P2RY12: variants seen among roughly 807,000 people sequenced by gnomAD.
The protein encoded by P2RY12 is P2Y purinoceptor 12.
P2RY12 carries 3 observed loss-of-function variants against 4.5 expected under a neutral mutation model. That is an observed-to-expected ratio of 0.67 (90% CI 0.31 to 1.74). The LOEUF (loss-of-function observed/expected upper bound fraction) is 1.74, where lower values mean the gene tolerates loss of function less well. P2RY12 is among the 40% of genes most tolerant of loss of function. The pLI, the probability that P2RY12 is intolerant of heterozygous loss-of-function variation, is 0.09. For synonymous variants in P2RY12, 148 were observed against 154.1 expected (o/e 0.96, Z 0.29); for missense variants, 356 against 407.8 (o/e 0.87, Z 1.09).
chr3:151,348,180 T>G (rs889487797), intron 1 of P2RY12, among the ~76,000 whole-genome samples: 34 of 151,928 alleles, frequency 2.2e-4, no homozygotes, highest in African/African-American at 6.8e-4. Context: ...TATGCTACAG[T>G]CATCAGCCTT....
In P2RY12 at chr3:151,339,875, C is replaced by T. The variant is rs74284424; in HGVS notation, c.-15+721G>A. 8.2e-4 allele frequency among the ~76,000 whole-genome samples: 124 copies of T among 152,068 alleles called. 1 individual carries two copies. The East Asian group carries it at 0.022, about 27-fold the overall frequency. On this transcript the variant is annotated intron_variant, in intron 2 of 2. Coordinates refer to ENST00000302632, the MANE Select transcript of P2RY12 (RefSeq NM_022788.5). ...TGACGTTTGTAATCTTTTTATTTCACCAGAGATAAGTGAAATTGATTCTAT... is the reference window on the plus strand; with the variant it reads ...TGACGTTTGTAATCTTTTTATTTCATCAGAGATAAGTGAAATTGATTCTAT...
At chr3:151,363,142 G>A (rs143421764) in intron 1 of P2RY12, among the ~76,000 whole-genome samples, 43 of 152,178 alleles carry the variant, frequency 2.8e-4, no homozygotes, top group Non-Finnish European at 5.7e-4. Context: ...AGTGAATAGA[G>A]TAATTACTCA....
intron 1 of P2RY12, among the ~76,000 whole-genome samples, chr3:151,368,677 GTCATT>G (rs1755710787): frequency 1.0e-5 from 1 of 95,384 alleles, no homozygotes; most frequent in Non-Finnish European, 2.2e-5. Flanking sequence ...TTCATTTCAT[GTCATT>G]TCATTTTATT....
intron 1 of P2RY12, among the ~76,000 whole-genome samples, chr3:151,380,617 A>G (rs1577507165): frequency 6.8e-6 from 1 of 147,638 alleles, no homozygotes; most frequent in East Asian, 2.0e-4. Context: ...AAAAAAAAAC[A>G]ACTAGTAAGG....
chr3:151,357,388 G>A lies in P2RY12; in HGVS notation c.-179-16628C>T, dbSNP rs73006594. 1.1e-3 allele frequency: 1,775 copies of A among 1,556,860 alleles called. 14 individuals are homozygous for A. The African/African-American group carries it at 0.022, about 20-fold the overall frequency. On this transcript the variant is annotated intron_variant, in intron 1 of 2. Coordinates refer to ENST00000302632, the MANE Select transcript of P2RY12 (RefSeq NM_022788.5). The stretch of plus-strand genomic sequence containing the variant: ...CAGGTGTTTGAAGGGTTGGTATATA[G>A]CATGTCATTGTTGTTTTTCCAATCT...
At chr3:151,341,577 T>TA (rs397783577) in intron 1 of P2RY12, among the ~76,000 whole-genome samples, 6 of 151,102 alleles carry the variant, frequency 4.0e-5, no homozygotes, top group African/African-American at 1.2e-4. Flanking sequence ...TTTTTTTTTT[T>TA]AATTTTATTA....
Position 151,338,435 on chromosome 3 carries a change from AT to A in P2RY12, c.410del (p.Asn137IlefsTer24). 1 of 1,614,040 alleles carries A rather than the reference AT, an allele frequency of 6.2e-7. No homozygotes were observed. The highest frequency in any genetic ancestry group is 8.5e-7 in the Non-Finnish European group (1 of 1,180,020). ...TRPFKTSNPK[N>X]LLGAKILSVV... ...CAGAGAGAATCTTAGCCCCCAAGAG[AT>A]TTTTGGGGTTGGATGTTTTAAATGG... On this transcript the variant is annotated frameshift_variant, in exon 3 of 3. Transcript: ENST00000302632. LOFTEE classifies it high-confidence loss of function.
intron 1 of P2RY12, among the ~76,000 whole-genome samples, chr3:151,370,341 G>A (rs1399925870): frequency 6.6e-6 from 1 of 152,138 alleles, no homozygotes; most frequent in Non-Finnish European, 1.5e-5. Flanking sequence ...CATTAGAACA[G>A]AAATTACTGA....
intron 1 of P2RY12, chr3:151,376,780 A>T: frequency 1.2e-6 from 2 of 1,605,168 alleles, no homozygotes; most frequent in Non-Finnish European, 1.7e-6. Flanking sequence ...TAATGTTTTA[A>T]TTCTTTCCAT....
At chr3:151,361,762 G>A (rs539973768) in intron 1 of P2RY12, among the ~76,000 whole-genome samples, 2 of 152,124 alleles carry the variant, frequency 1.3e-5, no homozygotes, top group African/African-American at 4.8e-5. Flanking sequence ...CATTCTTTCA[G>A]AGCTATTTGC....
At chr3:151,369,637 T>A in intron 1 of P2RY12, 1 of 835,258 alleles carries the variant, frequency 1.2e-6, no homozygotes, top group Non-Finnish European at 1.8e-6. Flanking sequence ...CTAGTAGTAT[T>A]ATTGGAAACA....
chr3:151,345,858 T>C (rs1039519164), intron 1 of P2RY12, among the ~76,000 whole-genome samples: 4 of 152,128 alleles, frequency 2.6e-5, no homozygotes, highest in African/African-American at 9.7e-5. Flanking sequence ...AAACAAATCT[T>C]GTAGGCTCTT....
chr3:151,367,730 G>C (rs765305359), intron 1 of P2RY12: 1 of 1,611,162 alleles, frequency 6.2e-7, no homozygotes, highest in Non-Finnish European at 8.5e-7. Flanking sequence ...GGAGGACGTC[G>C]TGCAGCATGT....
intron 1 of P2RY12, chr3:151,377,910 G>A (rs996828417): frequency 3.8e-5 from 44 of 1,163,804 alleles, no homozygotes; most frequent in Non-Finnish European, 4.6e-5. Flanking sequence ...AGAACAGTCT[G>A]TGTGTCTCAT....
chr3:151,348,676 G>A (rs1752866979), intron 1 of P2RY12, among the ~76,000 whole-genome samples: 1 of 151,696 alleles, frequency 6.6e-6, no homozygotes, highest in South Asian at 2.1e-4. Flanking sequence ...TTTATTTCTT[G>A]TAATGTATAA....
chr3:151,347,803 C>A (rs1752712560), intron 1 of P2RY12, among the ~76,000 whole-genome samples: 1 of 152,150 alleles, frequency 6.6e-6, no homozygotes, highest in South Asian at 2.1e-4. Context: ...AAAAACCTTA[C>A]AAGGAAGCGA....
At chr3:151,356,657 G>C (rs1231908412) in intron 1 of P2RY12, among the ~76,000 whole-genome samples, 2 of 151,548 alleles carry the variant, frequency 1.3e-5, no homozygotes, top group Non-Finnish European at 2.9e-5. Context: ...TTTTCTTTTG[G>C]TCTTTGTTAT....
intron 1 of P2RY12, among the ~76,000 whole-genome samples, chr3:151,358,529 G>T (rs1440668532): frequency 6.6e-6 from 1 of 151,844 alleles, no homozygotes; most frequent in Non-Finnish European, 1.5e-5. Flanking sequence ...CCCATTAGTT[G>T]GTCATGAAAT....
intron 1 of P2RY12, among the ~76,000 whole-genome samples, chr3:151,351,172 C>A (rs1344810441): frequency 1.3e-5 from 2 of 152,110 alleles, no homozygotes; most frequent in Non-Finnish European, 2.9e-5. Context: ...GGATAAATTG[C>A]TAGAATTTGT....
Sources: gnomAD v4.1 joint callset for allele counts (sites outside exome capture counted in the v4.1 genomes callset) on GRCh38, gnomAD v4.1.1 for gene constraint, MANE v1.5 for transcripts, NCBI Gene and HGNC (gene_info 2026-07-23, HGNC 2026-07-21) for gene names.